DIAPH3: variants seen among roughly 807,000 people sequenced by gnomAD.
DIAPH3 encodes the protein protein diaphanous homolog 3.
A neutral mutation model predicts 144.3 loss-of-function variants in DIAPH3; 117 were observed. That is an observed-to-expected ratio of 0.81 (90% CI 0.70 to 0.95). DIAPH3 has a LOEUF of 0.95. Among genes scored for constraint, DIAPH3 ranks in the 40% least tolerant of loss-of-function variants. DIAPH3 has a pLI of 0.00. For synonymous variants in DIAPH3, 519 were observed against 488.9 expected, an observed-to-expected ratio of 1.06 and a Z score of -0.81; for missense variants, 1,421 against 1,412.7, an observed-to-expected ratio of 1.01 and a Z score of -0.09.
chr13:59,852,445 G>T (rs376287452), intron 22 of DIAPH3, among the ~76,000 whole-genome samples: 5 of 152,170 alleles, frequency 3.3e-5, no homozygotes, highest in African/African-American at 9.7e-5. Flanking sequence ...CAGAGTTGAA[G>T]AGTTGCTGGA....
chr13:59,896,652 T>C (rs17057446), intron 20 of DIAPH3, among the ~76,000 whole-genome samples: 3,054 of 152,198 alleles, frequency 0.02, 91 homozygotes, highest in African/African-American at 0.07. Flanking sequence ...TAGGCTGTTA[T>C]TATACACAAC....
At chr13:60,054,461 T>C (rs2056479809) in intron 4 of DIAPH3, among the ~76,000 whole-genome samples, 2 of 152,008 alleles carry the variant, frequency 1.3e-5, no homozygotes, top group Non-Finnish European at 2.9e-5. Context: ...TGCCTGGGTA[T>C]ATGTATCTAT....
chr13:60,158,467 C>T (rs1156699884), intron 1 of DIAPH3, among the ~76,000 whole-genome samples: 1 of 152,162 alleles, frequency 6.6e-6, no homozygotes, highest in African/African-American at 2.4e-5. Context: ...AGCTTGTGAG[C>T]TTAGTTAATG....
At chr13:59,832,779 C>T (rs1404947455) in intron 24 of DIAPH3, among the ~76,000 whole-genome samples, 2 of 151,698 alleles carry the variant, frequency 1.3e-5, no homozygotes, top group East Asian at 3.9e-4. Flanking sequence ...AAAATATAAA[C>T]TGATCTTGAA....
chr13:59,993,127 C>T (rs1437286386), intron 9 of DIAPH3, among the ~76,000 whole-genome samples: 4 of 151,842 alleles, frequency 2.6e-5, no homozygotes, highest in East Asian at 1.9e-4. Flanking sequence ...GGTTCTCATA[C>T]TTTGGCAAAA....
At chr13:60,002,159 C>A (rs2052561599) in intron 9 of DIAPH3, among the ~76,000 whole-genome samples, 1 of 152,176 alleles carries the variant, frequency 6.6e-6, no homozygotes, top group African/African-American at 2.4e-5. Flanking sequence ...AAGGTAGACT[C>A]TGATGATTTA....
At chr13:59,897,041 G>C (rs752118121) in intron 20 of DIAPH3, among the ~76,000 whole-genome samples, 2 of 152,120 alleles carry the variant, frequency 1.3e-5, no homozygotes, top group African/African-American at 2.4e-5. Flanking sequence ...GGTAAAAATT[G>C]CTCAAAAAGA....
At chr13:60,129,027 C>G (rs750201199) in intron 2 of DIAPH3, among the ~76,000 whole-genome samples, 21 of 152,072 alleles carry the variant, frequency 1.4e-4, no homozygotes, top group South Asian at 1.0e-3. Flanking sequence ...AGGCTGCAGT[C>G]AGATGAACAA....
chr13:59,857,023 C>T (rs1245513297), intron 22 of DIAPH3, among the ~76,000 whole-genome samples: 3 of 152,050 alleles, frequency 2.0e-5, no homozygotes, highest in Non-Finnish European at 2.9e-5. Flanking sequence ...CATAATGATT[C>T]CAACCAATAT....
intron 5 of DIAPH3, among the ~76,000 whole-genome samples, chr13:60,037,390 C>T (rs1047862983): frequency 6.6e-6 from 1 of 151,850 alleles, no homozygotes; most frequent in Non-Finnish European, 1.5e-5. Flanking sequence ...AAAACAGATA[C>T]ACTGAAATTT....
chr13:60,088,179 T>C (rs962456585), intron 4 of DIAPH3, among the ~76,000 whole-genome samples: 2 of 151,464 alleles, frequency 1.3e-5, no homozygotes, highest in African/African-American at 4.9e-5. Flanking sequence ...GAAAATTAAT[T>C]GGGGAAAAAG....
At chr13:59,939,824 G>C (rs1393993637) in intron 17 of DIAPH3, among the ~76,000 whole-genome samples, 1 of 134,982 alleles carries the variant, frequency 7.4e-6, no homozygotes, top group African/African-American at 2.8e-5. Context: ...GTATCTACAG[G>C]GAGAATGAGG....
At chr13:59,743,333 G>A (rs1488412351) in intron 27 of DIAPH3, among the ~76,000 whole-genome samples, 1 of 152,172 alleles carries the variant, frequency 6.6e-6, no homozygotes, top group Non-Finnish European at 1.5e-5. Flanking sequence ...CAACCTTAAG[G>A]AGATAGAATA....
At chr13:60,111,821 G>T (rs539144487) in intron 3 of DIAPH3, among the ~76,000 whole-genome samples, 189 bp downstream of exon 3, 2 of 152,148 alleles carry the variant, frequency 1.3e-5, no homozygotes, top group Admixed American at 1.3e-4. Context: ...ACCAAAACCT[G>T]GTATGTTGTT....
intron 21 of DIAPH3, among the ~76,000 whole-genome samples, chr13:59,871,513 A>C (rs1171987808): frequency 6.6e-6 from 1 of 152,054 alleles, no homozygotes; most frequent in East Asian, 1.9e-4. Flanking sequence ...TGAATGTTAC[A>C]TTTTTTCAAA....
At chr13:60,114,647 AC>A (rs2058655918) in intron 2 of DIAPH3, among the ~76,000 whole-genome samples, 2 of 115,162 alleles carry the variant, frequency 1.7e-5, no homozygotes, top group African/African-American at 9.4e-5. Context: ...CAAAAGACAC[AC>A]ACACACACAC....
intron 27 of DIAPH3, among the ~76,000 whole-genome samples, chr13:59,745,477 C>T (rs1373727526): frequency 6.6e-6 from 1 of 150,474 alleles, no homozygotes; most frequent in East Asian, 1.9e-4. Flanking sequence ...AATTGACTCA[C>T]AAAAAAAAAT....
chr13:59,790,861 A>G (rs1272043234), intron 25 of DIAPH3, among the ~76,000 whole-genome samples: 1 of 151,498 alleles, frequency 6.6e-6, no homozygotes, highest in Non-Finnish European at 1.5e-5. Context: ...ACAATGAAAG[A>G]CTCCCTCCCC....
chr13:60,159,530 A>T (rs1426949069), intron 1 of DIAPH3, among the ~76,000 whole-genome samples: 1 of 151,970 alleles, frequency 6.6e-6, no homozygotes, highest in African/African-American at 2.4e-5. Flanking sequence ...AGGCTGAGGC[A>T]GGAGAACTGC....
Sources: allele counts gnomAD v4.1 joint callset (sites outside exome capture counted in the v4.1 genomes callset), GRCh38; gene constraint gnomAD v4.1.1; transcripts MANE v1.5; gene names NCBI Gene and HGNC (gene_info 2026-07-23, HGNC 2026-07-21).